Variants in IQGAP2 observed in about 807,000 individuals in gnomAD.
The protein encoded by IQGAP2 is IQ motif containing GTPase activating protein 2.
IQGAP2 carries 173 observed loss-of-function variants against 201.3 expected under a neutral mutation model. That is an observed-to-expected ratio of 0.86 (90% CI 0.76 to 0.98). The LOEUF is 0.98. Among genes scored for constraint, IQGAP2 ranks in the 50% least tolerant of loss-of-function variants. IQGAP2 has a pLI of 0.00. For synonymous variants in IQGAP2, 675 were observed against 673.9 expected (o/e 1.00, Z -0.03); for missense variants, 1,687 against 1,864.8 (o/e 0.90, Z 1.76).
At chr5:76,684,770 A>C (rs1008701799) in intron 30 of IQGAP2, among the ~76,000 whole-genome samples, 2 of 152,140 alleles carry the variant, frequency 1.3e-5, no homozygotes, top group Admixed American at 6.5e-5. Context: ...TTGTGGCAAG[A>C]GCTTTCTCTC....
At chr5:76,489,427 G>A (rs1282404462) in intron 2 of IQGAP2, among the ~76,000 whole-genome samples, 1 of 151,850 alleles carries the variant, frequency 6.6e-6, no homozygotes, top group Non-Finnish European at 1.5e-5. Flanking sequence ...CCCCATCCCT[G>A]ACCTCTTCTA....
intron 13 of IQGAP2, chr5:76,616,510 G>C (rs1429557782): frequency 6.5e-6 from 1 of 153,118 alleles, no homozygotes; most frequent in African/African-American, 2.4e-5. Flanking sequence ...AATCTGGCAG[G>C]ACTTGTGAAG....
chr5:76,678,170 G>A (rs1032965640), intron 28 of IQGAP2, among the ~76,000 whole-genome samples: 16 of 152,122 alleles, frequency 1.1e-4, no homozygotes, highest in Admixed American at 2.6e-4. Flanking sequence ...GCTACGCAAC[G>A]AAAACAAGAA....
At chr5:76,515,872 C>CT (rs71604295) in intron 2 of IQGAP2, among the ~76,000 whole-genome samples, 6,633 of 102,618 alleles carry the variant, frequency 0.065, 517 homozygotes, top group African/African-American at 0.16. Context: ...AGGGGGTGAT[C>CT]TTTTTTTTTT....
intron 20 of IQGAP2, among the ~76,000 whole-genome samples, chr5:76,657,439 A>G (rs1742845361): frequency 6.6e-6 from 1 of 152,212 alleles, no homozygotes; most frequent in South Asian, 2.1e-4. Flanking sequence ...AAGGCCATTT[A>G]TGCAGTTGTT....
At chr5:76,541,199 T>C (rs1373525083) in intron 2 of IQGAP2, among the ~76,000 whole-genome samples, 1 of 151,600 alleles carries the variant, frequency 6.6e-6, no homozygotes, top group Non-Finnish European at 1.5e-5. Flanking sequence ...CCCCTCCTCC[T>C]AGCCCCCTGG....
Position 76,628,817 on chromosome 5 carries a change from C to T in IQGAP2, c.1612+1317C>T, listed in dbSNP as rs557049388. ...ACTTTGAAGTCTTTCCTTTCTAGCA[C>T]GCCTTAAGAAAAAAATAATGAAGTG... On this transcript the variant is annotated intron_variant, in intron 14 of 35. Transcript: ENST00000274364. 311 of 418,484 alleles carry T rather than the reference C, an allele frequency of 7.4e-4. 5 individuals carry two copies. Among genetic ancestry groups the T allele is most frequent in the South Asian group, 5.1e-3 (292 of 57,706 alleles). 25.9% of individuals were successfully genotyped at this position (418,484 alleles called of 1,614,324 possible). A position where few individuals can be genotyped will look rare whatever the true frequency, so the allele number is the denominator to read the frequency against.
intron 2 of IQGAP2, among the ~76,000 whole-genome samples, chr5:76,505,170 C>G (rs2150174051): frequency 6.6e-6 from 1 of 152,266 alleles, no homozygotes; most frequent in Middle Eastern, 3.4e-3. Flanking sequence ...ACAGTATATG[C>G]TCAGTGCCTA....
chr5:76,534,407 T>C (rs541306008), intron 2 of IQGAP2, among the ~76,000 whole-genome samples: 1 of 152,336 alleles, frequency 6.6e-6, no homozygotes, highest in African/African-American at 2.4e-5. Flanking sequence ...TCAGAACATT[T>C]ACATACAGGC....
At chr5:76,588,105 A>G (rs1159748172) in intron 5 of IQGAP2, among the ~76,000 whole-genome samples, 1 of 152,206 alleles carries the variant, frequency 6.6e-6, no homozygotes, top group Non-Finnish European at 1.5e-5. Flanking sequence ...TCTATGTTCT[A>G]TAAACTATGG....
At chr5:76,441,000 C>T (rs538704116) in intron 1 of IQGAP2, among the ~76,000 whole-genome samples, 1 of 149,852 alleles carries the variant, frequency 6.7e-6, no homozygotes, top group South Asian at 2.1e-4. Flanking sequence ...CATTGCACTT[C>T]AGCCTGGGCA....
Position 76,611,151 on chromosome 5 carries a change from G to C in IQGAP2, c.1489G>C (p.Val497Leu). 3 of 1,612,512 alleles carry C rather than the reference G, an allele frequency of 1.9e-6. No individual in the cohort carries two copies. Among genetic ancestry groups the C allele is most frequent in the Non-Finnish European group, 2.5e-6 (3 of 1,179,614 alleles). Reference protein sequence around the residue: ...DPAHAQHYQDVLYHAKSQKLG... With the variant: ...DPAHAQHYQDLLYHAKSQKLG... The stretch of plus-strand genomic sequence containing the variant: ...AGCCCATGCCCAGCACTACCAGGAT[G>C]TTTTATACCATGCTAAATCACAGAA... The change falls in exon 13 of 36, where the codon GTT becomes CTT. Residue 497 changes from valine (V) to leucine (L), a missense_variant. By Grantham distance (32) the Val-to-Leu change is conservative (BLOSUM62 1). Coordinates refer to ENST00000274364, the MANE Select transcript of IQGAP2 (RefSeq NM_006633.5).
intron 7 of IQGAP2, among the ~76,000 whole-genome samples, chr5:76,590,044 T>C (rs983195585): frequency 1.3e-5 from 2 of 152,244 alleles, no homozygotes; most frequent in African/African-American, 4.8e-5. Flanking sequence ...TATTGCAAGC[T>C]AAATTGCAAG....
At chr5:76,661,390 G>A (rs1743235318) in intron 21 of IQGAP2, among the ~76,000 whole-genome samples, 1 of 152,082 alleles carries the variant, frequency 6.6e-6, no homozygotes, top group South Asian at 2.1e-4. Context: ...AAATAAAAAA[G>A]TATAGGTCAG....
intron 2 of IQGAP2, among the ~76,000 whole-genome samples, chr5:76,545,500 T>C (rs1034508271): frequency 2.0e-5 from 3 of 152,222 alleles, no homozygotes; most frequent in Admixed American, 6.5e-5. Context: ...CTCCCTCCCA[T>C]AGGCAACATT....
At chr5:76,614,835 G>A (rs756721645) in intron 13 of IQGAP2, among the ~76,000 whole-genome samples, 62 of 151,946 alleles carry the variant, frequency 4.1e-4, no homozygotes, top group Middle Eastern at 3.4e-3. Context: ...GTCTGGCCTT[G>A]GAAAATAATA....
chr5:76,677,214 T>C lies in IQGAP2; in HGVS notation c.3528-4T>C, dbSNP rs369665308. 6.2e-7 allele frequency: 1 copy of C among 1,611,960 alleles called. No homozygotes were observed. Among genetic ancestry groups the C allele is most frequent in the African/African-American group, 1.3e-5 (1 of 74,828 alleles). ...TGTCTTAAGACTTTTCCCCCCTTTA[T>C]TAGGAAATATTTCAAAGAAGCATGT... is the stretch of plus-strand genomic sequence containing the variant. On this transcript the variant is annotated splice_polypyrimidine_tract_variant and splice_region_variant and intron_variant, in intron 27 of 35. Transcript: ENST00000274364.
intron 14 of IQGAP2, 81 bp downstream of exon 14, chr5:76,627,581 C>A: frequency 1.3e-6 from 1 of 772,786 alleles, no homozygotes; most frequent in Non-Finnish European, 2.2e-6. Context: ...TTTTTAATTT[C>A]TGAAAGATTT....
intron 27 of IQGAP2, among the ~76,000 whole-genome samples, chr5:76,674,976 A>T (rs1435481375): frequency 6.6e-6 from 1 of 152,198 alleles, no homozygotes; most frequent in African/African-American, 2.4e-5. Flanking sequence ...ACAAAATGGC[A>T]TACTTGTTCT....
Sources: allele counts gnomAD v4.1 joint callset (sites outside exome capture counted in the v4.1 genomes callset), GRCh38; gene constraint gnomAD v4.1.1; transcripts MANE v1.5; gene names NCBI Gene and HGNC (gene_info 2026-07-23, HGNC 2026-07-21).